The following CACNA1A variants were observed in gnomAD, a reference collection of about 807,000 sequenced individuals.
CACNA1A encodes voltage-dependent P/Q-type calcium channel subunit alpha-1A.
In CACNA1A, 57 loss-of-function variants were observed where a neutral mutation model predicts 262.4. The ratio of observed to expected loss-of-function variants is 0.22; its 90% CI spans 0.18 to 0.27. The LOEUF (loss-of-function observed/expected upper bound fraction) is 0.27. Among genes scored for constraint, CACNA1A ranks in the 10% least tolerant of loss-of-function variants. CACNA1A has a pLI of 1.00. For synonymous variants in CACNA1A, 1,431 were observed against 1,419.3 expected, an observed-to-expected ratio of 1.01 and a Z score of -0.18; for missense variants, 2,526 against 3,562.8, an observed-to-expected ratio of 0.71 and a Z score of 7.41.
intron 6 of CACNA1A, among the ~76,000 whole-genome samples, chr19:13,347,879 C>T (rs11882751): frequency 6.6e-6 from 1 of 152,192 alleles, no homozygotes; most frequent in African/African-American, 2.4e-5. Flanking sequence ...ACATTAGCAA[C>T]CACTGGCCAG....
intron 24 of CACNA1A, among the ~76,000 whole-genome samples, chr19:13,268,313 G>A (rs577087577): frequency 2.6e-5 from 4 of 152,194 alleles, no homozygotes; most frequent in East Asian, 3.9e-4. Flanking sequence ...CTCATTAGGC[G>A]CCTTCAACAA....
intron 6 of CACNA1A, among the ~76,000 whole-genome samples, chr19:13,338,496 T>C (rs576451415): frequency 6.6e-6 from 1 of 152,310 alleles, no homozygotes; most frequent in East Asian, 1.9e-4. Flanking sequence ...AGCAATGGTA[T>C]TCATCATAGC....
At chr19:13,237,904 G>C (rs2055931416) in intron 31 of CACNA1A, among the ~76,000 whole-genome samples, 1 of 152,158 alleles carries the variant, frequency 6.6e-6, no homozygotes, top group Non-Finnish European at 1.5e-5. Flanking sequence ...ATGTGGACTC[G>C]GCCAGGCATG....
chr19:13,229,807 C>T (rs1449769185), intron 36 of CACNA1A: 2 of 324,070 alleles, frequency 6.2e-6, no homozygotes, highest in African/African-American at 2.1e-5. Flanking sequence ...AGGAGAGACT[C>T]GTAGGAGGAG....
intron 36 of CACNA1A, chr19:13,229,808 G>A (rs2055597842): frequency 1.2e-5 from 4 of 325,578 alleles, no homozygotes; most frequent in Middle Eastern, 8.5e-4. Flanking sequence ...GGAGAGACTC[G>A]TAGGAGGAGA....
chr19:13,337,112 G>A (rs376970135), intron 6 of CACNA1A, among the ~76,000 whole-genome samples: 4 of 152,208 alleles, frequency 2.6e-5, no homozygotes, highest in African/African-American at 9.7e-5. Flanking sequence ...GGAGCAACTG[G>A]AACCCTCATA....
chr19:13,209,335 C>T lies in CACNA1A; in HGVS notation c.6503G>A (p.Gly2168Asp), dbSNP rs2054714568. The change falls in exon 45 of 47, where the codon GGC becomes GAC. Residue 2168 changes from glycine to aspartate, a missense_variant. This residue lies in a region of CACNA1A where 929 missense variants were observed against 868.1 expected (regional missense o/e 1.07). Coordinates refer to ENST00000360228, the MANE Select transcript of CACNA1A (RefSeq NM_001127222.2). ...ACCTGTGTCCACATCGGTGTAGCGGCCCAGGGAGCGCTCAGAGGCGCGGTG... is the reference window on the plus strand; with the variant it reads ...ACCTGTGTCCACATCGGTGTAGCGGTCCAGGGAGCGCTCAGAGGCGCGGTG... ...RSHRASERSL[G>D]RYTDVDTGLG... is the part of the protein sequence containing the mutation. 2.9e-6 allele frequency: 4 copies of T among 1,393,910 alleles called. No individual in the cohort carries two copies. Among genetic ancestry groups the T allele is most frequent in the Admixed American group, 3.3e-5 (1 of 29,978 alleles). The allele number at this position is 1,393,910 out of a possible 1,614,324, so 86.3% of individuals were successfully genotyped here.
chr19:13,209,345 G>A lies in CACNA1A; in HGVS notation c.6493C>T (p.Arg2165Cys), dbSNP rs746582303. 12 of 1,389,888 alleles carry A rather than the reference G, an allele frequency of 8.6e-6. No individual in the cohort carries two copies. In the East Asian group the frequency reaches 1.1e-4, roughly 13 times the overall value. The allele number at this position is 1,389,888 out of a possible 1,614,324, so 86.1% of individuals were successfully genotyped here. The change falls in exon 45 of 47, where the codon CGC becomes TGC. Residue 2165 changes from arginine to cysteine, a missense_variant. Arg to Cys is a radical substitution (Grantham distance 180). Coordinates refer to ENST00000360228, the MANE Select transcript of CACNA1A (RefSeq NM_001127222.2). ...RRDRSHRASE[R>C]SLGRYTDVDT... ...ACATCGGTGTAGCGGCCCAGGGAGC[G>A]CTCAGAGGCGCGGTGGCTGCGGTCG...
intron 3 of CACNA1A, among the ~76,000 whole-genome samples, chr19:13,440,994 G>A (rs1481001772): frequency 5.3e-5 from 8 of 152,110 alleles, no homozygotes; most frequent in African/African-American, 1.9e-4. Context: ...TTTTGTTTTT[G>A]TAGAGATGGA....
At chr19:13,267,785 T>C (rs2056898899) in intron 24 of CACNA1A, among the ~76,000 whole-genome samples, 1 of 151,442 alleles carries the variant, frequency 6.6e-6, no homozygotes, top group Admixed American at 6.6e-5. Flanking sequence ...TCTCTCCTTC[T>C]CTCCTTTTTT....
chr19:13,255,400 T>C, intron 28 of CACNA1A, 141 bp from the exon 29 acceptor site: 3 of 729,848 alleles, frequency 4.1e-6, no homozygotes, highest in Non-Finnish European at 6.4e-6. Context: ...CCAGGATTCC[T>C]GGGCTCTCTC....
chr19:13,325,914 TA>T (rs1261642364), intron 10 of CACNA1A, among the ~76,000 whole-genome samples: 3 of 152,192 alleles, frequency 2.0e-5, no homozygotes, highest in Non-Finnish European at 4.4e-5. Context: ...TGAGAATGCT[TA>T]AAACCTACTC....
At chr19:13,454,374 G>A (rs964576507) in intron 2 of CACNA1A, among the ~76,000 whole-genome samples, 6 of 148,434 alleles carry the variant, frequency 4.0e-5, no homozygotes, top group East Asian at 2.0e-4. Context: ...CTTTTTTTTC[G>A]CCTCCCCCCC....
At position 13,308,305 on chromosome 19, in the gene CACNA1A, G is replaced by A. The variant is rs573056899; in HGVS notation, c.1782-54C>T. ...GGCCAGGCGGGGGAGGCAGGGCCCC[G>A]GAGTCAGCCCTCGAAACACGAGGCT... On this transcript the variant is annotated intron_variant, in intron 13 of 46. Coordinates refer to ENST00000360228, the MANE Select transcript of CACNA1A (RefSeq NM_001127222.2). This position sits in a 1 kb window ranked among gnomAD's most constrained non-coding sequence, Gnocchi z 4.2. 4.7e-4 allele frequency: 742 copies of A among 1,584,830 alleles called. No homozygotes were observed. Among genetic ancestry groups the A allele is most frequent in the Middle Eastern group, 3.9e-3 (23 of 5,870 alleles).
intron 19 of CACNA1A, among the ~76,000 whole-genome samples, chr19:13,290,089 C>T (rs998958475): frequency 5.3e-5 from 8 of 150,138 alleles, no homozygotes; most frequent in Non-Finnish European, 1.0e-4. Context: ...CCACCACACC[C>T]GGCTAATTTT....
chr19:13,297,699 C>A (rs759782038), intron 19 of CACNA1A, among the ~76,000 whole-genome samples: 8 of 152,266 alleles, frequency 5.3e-5, no homozygotes, highest in Non-Finnish European at 7.4e-5. Context: ...TGTCTGTGGT[C>A]CCAGCTACTT....
At chr19:13,310,795 CTTTT>C (rs747620000) in intron 12 of CACNA1A, among the ~76,000 whole-genome samples, 6 of 142,680 alleles carry the variant, frequency 4.2e-5, no homozygotes, top group African/African-American at 1.5e-4. Flanking sequence ...TAAAATTTTT[CTTTT>C]TTTTTTTTTG....
chr19:13,219,076 A>C (rs1600103394), intron 38 of CACNA1A, among the ~76,000 whole-genome samples: 11 of 89,578 alleles, frequency 1.2e-4, no homozygotes, highest in Admixed American at 1.5e-4. Flanking sequence ...ATAGAGTCTC[A>C]CTCTGTCCAG....
At chr19:13,271,222 T>TG in intron 24 of CACNA1A, 5 of 139,154 alleles carry the variant, frequency 3.6e-5, no homozygotes, top group African/African-American at 1.4e-4. Flanking sequence ...CTGTTTTTTT[T>TG]TTTTTTTTTT....
Sources: allele counts gnomAD v4.1 joint callset (sites outside exome capture counted in the v4.1 genomes callset), GRCh38; gene constraint gnomAD v4.1.1; regional missense constraint gnomAD v4.1.1; non-coding constraint Gnocchi (gnomAD v3.1); transcripts MANE v1.5; gene names NCBI Gene and HGNC (gene_info 2026-07-23, HGNC 2026-07-21).